The following PRKCE variants were observed in gnomAD, a reference collection of about 807,000 sequenced individuals.
The protein encoded by PRKCE is protein kinase C epsilon type.
In PRKCE, 16 loss-of-function variants were observed where a neutral mutation model predicts 85.4. That is an observed-to-expected ratio of 0.19 (90% CI 0.13 to 0.28). The LOEUF (loss-of-function observed/expected upper bound fraction) is 0.28. Among genes scored for constraint, PRKCE ranks in the 10% least tolerant of loss-of-function variants. PRKCE has a pLI of 1.00. For synonymous variants in PRKCE, 388 were observed against 371.5 expected (o/e 1.04, Z -0.51); for missense variants, 573 against 975.2 (o/e 0.59, Z 5.49).
chr2:45,671,657 T>A (rs1188974377), intron 1 of PRKCE, among the ~76,000 whole-genome samples: 1 of 152,196 alleles, frequency 6.6e-6, no homozygotes, highest in Admixed American at 6.5e-5. Flanking sequence ...GTAGACCATT[T>A]TACCTCCAAT....
chr2:45,878,122 T>A (rs1313697695), intron 2 of PRKCE, among the ~76,000 whole-genome samples: 1 of 152,286 alleles, frequency 6.6e-6, no homozygotes, highest in Non-Finnish European at 1.5e-5. Flanking sequence ...CTATCTTCCC[T>A]GGCAATGCTC....
chr2:45,795,958 T>A (rs1009389422), intron 1 of PRKCE, among the ~76,000 whole-genome samples: 3 of 152,242 alleles, frequency 2.0e-5, no homozygotes, highest in African/African-American at 7.2e-5. Context: ...TTGAAAAGAA[T>A]AGAAAATAAA....
At chr2:45,933,799 G>T (rs1699241220) in intron 2 of PRKCE, among the ~76,000 whole-genome samples, 1 of 152,086 alleles carries the variant, frequency 6.6e-6, no homozygotes, top group Non-Finnish European at 1.5e-5. Context: ...AACTGGGAGT[G>T]GTTATTTTGA....
chr2:45,862,442 A>T lies in PRKCE; in HGVS notation c.412+19379A>T, dbSNP rs187239189. On this transcript the variant is annotated intron_variant, in intron 2 of 14. Transcript: ENST00000306156. ...ACCACCTAGTGGTGCATTAGGCCGG[A>T]GATTGTTCCATCTTTTTTCTTGGTG... is the stretch of plus-strand genomic sequence containing the variant. 2.6e-5 allele frequency among the ~76,000 whole-genome samples: 4 copies of T among 152,238 alleles called. No individual in the cohort carries two copies. In the East Asian group the frequency reaches 7.7e-4, roughly 29 times the overall value.
chr2:46,033,943 G>A (rs1168324604), intron 10 of PRKCE, among the ~76,000 whole-genome samples: 1 of 152,184 alleles, frequency 6.6e-6, no homozygotes, highest in Non-Finnish European at 1.5e-5. Context: ...CCTTGAGCTT[G>A]GGATTTCAGT....
intron 2 of PRKCE, among the ~76,000 whole-genome samples, chr2:45,973,165 G>A (rs1235031856): frequency 2.0e-5 from 3 of 152,210 alleles, no homozygotes; most frequent in African/African-American, 7.2e-5. Context: ...GAAGGGATCC[G>A]TTTCTGGTGG....
intron 10 of PRKCE, among the ~76,000 whole-genome samples, chr2:46,038,828 A>G (rs970971115): frequency 6.6e-6 from 1 of 152,172 alleles, no homozygotes; most frequent in Non-Finnish European, 1.5e-5. Flanking sequence ...ATGACAGAAG[A>G]TTTAGCATGT....
At chr2:45,874,353 G>A (rs1165077317) in intron 2 of PRKCE, among the ~76,000 whole-genome samples, 2 of 152,220 alleles carry the variant, frequency 1.3e-5, no homozygotes, top group Admixed American at 6.5e-5. Context: ...TCGTGATGAC[G>A]CTGGCCTGCC....
chr2:45,789,649 G>T (rs570205005), intron 1 of PRKCE, among the ~76,000 whole-genome samples: 49 of 152,100 alleles, frequency 3.2e-4, no homozygotes, highest in Non-Finnish European at 6.5e-4. Flanking sequence ...GGAAAGGGGG[G>T]AAAGACAGGG....
At chr2:46,162,698 C>T (rs1677901888) in intron 14 of PRKCE, among the ~76,000 whole-genome samples, 1 of 152,142 alleles carries the variant, frequency 6.6e-6, no homozygotes, top group Non-Finnish European at 1.5e-5. Flanking sequence ...TAATGTTGAT[C>T]CTTAGAGAGT....
rs1193828797 is a variant in PRKCE at position 45,684,076 on chromosome 2, A to G, written c.348+31628A>G. On this transcript the variant is annotated intron_variant, in intron 1 of 14. Transcript: ENST00000306156. ...AGGAGGGAGTGAGAAATTATGCCAG[A>G]GGTGGGAAAACTTGTCAAGTCAAGG... 8.5e-5 allele frequency among the ~76,000 whole-genome samples: 13 copies of G among 152,288 alleles called. No homozygotes were observed. In the East Asian group the frequency reaches 2.5e-3, roughly 29 times the overall value.
At chr2:46,109,217 A>G (rs1672023769) in intron 11 of PRKCE, among the ~76,000 whole-genome samples, 1 of 152,156 alleles carries the variant, frequency 6.6e-6, no homozygotes. Flanking sequence ...TAAGTTGCTG[A>G]TATCTGCAAA....
chr2:45,924,766 AG>A (rs1312535472), intron 2 of PRKCE, among the ~76,000 whole-genome samples: 1 of 152,252 alleles, frequency 6.6e-6, no homozygotes, highest in East Asian at 1.9e-4. Context: ...GTCTATACTT[AG>A]TGGCAGCAAA....
chr2:45,897,056 T>A lies in PRKCE; in HGVS notation c.412+53993T>A, dbSNP rs1033307903. On this transcript the variant is annotated intron_variant, in intron 2 of 14. Transcript: ENST00000306156. ...GTGTGCCACCACACTCCAGCATGGG[T>A]GACAGAACAAGATCTTATCTCTTAA... is the stretch of plus-strand genomic sequence containing the variant. Among the ~76,000 whole-genome samples, 9 of 152,214 alleles carry A rather than the reference T, an allele frequency of 5.9e-5. No individual in the cohort carries two copies. The East Asian group carries it at 1.5e-3, about 26-fold the overall frequency.
chr2:45,910,124 C>T (rs1017827077), intron 2 of PRKCE, among the ~76,000 whole-genome samples: 4 of 151,838 alleles, frequency 2.6e-5, no homozygotes, highest in Non-Finnish European at 4.4e-5. Context: ...CAAAATAAGA[C>T]ACCTAATAAC....
chr2:45,974,378 C>A (rs186308150), intron 2 of PRKCE, among the ~76,000 whole-genome samples: 2 of 152,110 alleles, frequency 1.3e-5, no homozygotes, highest in African/African-American at 4.8e-5. Flanking sequence ...CCCAGAAGGT[C>A]GGTGATGCCA....
At chr2:45,933,728 G>A (rs2104090347) in intron 2 of PRKCE, among the ~76,000 whole-genome samples, 1 of 152,006 alleles carries the variant, frequency 6.6e-6, no homozygotes, top group Admixed American at 6.5e-5. Flanking sequence ...CGCCCGCCTC[G>A]GCCTCCCAAG....
At chr2:45,956,356 T>C (rs907735052) in intron 2 of PRKCE, among the ~76,000 whole-genome samples, 3 of 152,050 alleles carry the variant, frequency 2.0e-5, no homozygotes, top group Admixed American at 1.3e-4. Context: ...GATTGCTTGA[T>C]TATGTATGGT....
intron 1 of PRKCE, among the ~76,000 whole-genome samples, chr2:45,706,633 A>C (rs2104310084): frequency 1.3e-5 from 2 of 152,322 alleles, no homozygotes; most frequent in Admixed American, 1.3e-4. Context: ...ACATCCCAGC[A>C]GTATCTTCTC....
Sources: gnomAD v4.1 joint callset for allele counts (sites outside exome capture counted in the v4.1 genomes callset) on GRCh38, gnomAD v4.1.1 for gene constraint, MANE v1.5 for transcripts, NCBI Gene and HGNC (gene_info 2026-07-23, HGNC 2026-07-21) for gene names.